Variants in PKHD1 observed in about 807,000 individuals in gnomAD.
The protein encoded by PKHD1 is PKHD1 ciliary IPT domain containing fibrocystin/polyductin, also known as fibrocystin.
PKHD1 carries 291 observed loss-of-function variants against 412.0 expected under a neutral mutation model. The observed-to-expected ratio is 0.71, with a 90% CI of 0.64 to 0.78. PKHD1 has a LOEUF of 0.78. Ranked by LOEUF, PKHD1 falls within the 30% of genes least tolerant of loss-of-function variation. The pLI is 0.00. For synonymous variants in PKHD1, 1,777 were observed against 1,821.5 expected (o/e 0.98, Z 0.62); for missense variants, 4,825 against 4,950.7 (o/e 0.97, Z 0.76).
At chr6:51,767,646 T>C (rs1161558712) in intron 55 of PKHD1, among the ~76,000 whole-genome samples, 1 of 152,162 alleles carries the variant, frequency 6.6e-6, no homozygotes, top group Non-Finnish European at 1.5e-5. Context: ...GGACATGAAC[T>C]CATCATTTTT....
chr6:51,931,060 T>A (rs1786495198), intron 37 of PKHD1, among the ~76,000 whole-genome samples: 1 of 152,184 alleles, frequency 6.6e-6, no homozygotes, highest in African/African-American at 2.4e-5. Context: ...TTTTTCTGAT[T>A]TTTTAGAGAT....
intron 65 of PKHD1, among the ~76,000 whole-genome samples, chr6:51,629,529 G>A (rs537632876): frequency 3.9e-5 from 6 of 151,968 alleles, no homozygotes; most frequent in Non-Finnish European, 8.8e-5. Context: ...TTTTGGATAG[G>A]CATGATCAAG....
intron 46 of PKHD1, among the ~76,000 whole-genome samples, chr6:51,881,928 T>TACA (rs1185704537): frequency 6.6e-6 from 1 of 152,198 alleles, no homozygotes; most frequent in Non-Finnish European, 1.5e-5. Context: ...CCTAGTGAAT[T>TACA]ACACCCCAAG....
intron 63 of PKHD1, among the ~76,000 whole-genome samples, chr6:51,640,346 G>A (rs534970305): frequency 3.4e-4 from 52 of 152,282 alleles, no homozygotes; most frequent in African/African-American, 1.1e-3. Flanking sequence ...TTGCTTTTGC[G>A]TTAAATACCA....
rs778627360 is a variant in PKHD1, at chr6:52,046,220, A to G, written c.2408-32T>C. 4.7e-6 allele frequency: 7 copies of G among 1,483,372 alleles called. No homozygotes were observed. The South Asian group carries it at 6.8e-5, about 14-fold the overall frequency. The allele number at this position is 1,483,372 out of a possible 1,614,324, so 91.9% of individuals were successfully genotyped here. A position where few individuals can be genotyped will look rare whatever the true frequency, so the allele number is the denominator to read the frequency against. On this transcript the variant is annotated intron_variant, in intron 23 of 66. Transcript: ENST00000371117. Reference sequence around the variant, plus strand: ...GAGAAGGTTTTGATACAGAAAACACAGACACTAATTAATCCACCTTACAGA... The same window carrying G: ...GAGAAGGTTTTGATACAGAAAACACGGACACTAATTAATCCACCTTACAGA...
At chr6:51,944,221 C>A (rs1318910400) in intron 36 of PKHD1, among the ~76,000 whole-genome samples, 4 of 152,074 alleles carry the variant, frequency 2.6e-5, no homozygotes, top group Admixed American at 6.6e-5. Context: ...AGCTCCCCCA[C>A]TGAGCACTTT....
At position 52,048,521 on chromosome 6, in the gene PKHD1, C is replaced by A. The variant is rs138620202; in HGVS notation, c.2378G>T (p.Arg793Leu). The A allele has an allele frequency of 1.9e-6, 3 of 1,614,062 alleles. No homozygotes were observed. The highest frequency in any genetic ancestry group is 2.2e-5 in the East Asian group (1 of 44,880). Residue 793 changes from arginine (R) to leucine (L), a missense_variant, in exon 23 of 67, where the codon CGC (arginine) becomes CTC (leucine). Physicochemically the swap from Arg to Leu is moderately radical, Grantham distance 102. Coordinates refer to ENST00000371117, the MANE Select transcript of PKHD1 (RefSeq NM_138694.4). ...AATCACTGTATTAGGAAGCTGGATG[C>A]GAAAGTGTCCTCCTAGAGGTGGACT... ...RTSPPLGGHFRIQLPNTVISD... is the reference protein window; with the variant it reads ...RTSPPLGGHFLIQLPNTVISD...
At chr6:51,830,764 C>T in intron 52 of PKHD1, 97 bp downstream of exon 52, 1 of 1,246,322 alleles carries the variant, frequency 8.0e-7, no homozygotes, top group Non-Finnish European at 1.2e-6. Flanking sequence ...TACTTATTTC[C>T]AAACTCTTTA....
intron 63 of PKHD1, among the ~76,000 whole-genome samples, chr6:51,641,083 G>C (rs1160384121): frequency 6.6e-6 from 1 of 152,184 alleles, no homozygotes; most frequent in Admixed American, 6.6e-5. Context: ...TGAAAAAGTA[G>C]TATTTCATGA....
At chr6:51,684,281 A>C (rs1777126137) in intron 60 of PKHD1, among the ~76,000 whole-genome samples, 1 of 152,106 alleles carries the variant, frequency 6.6e-6, no homozygotes, top group Admixed American at 6.6e-5. Flanking sequence ...CAGGAGAGTC[A>C]CCCAACCTTC....
Position 51,934,191 on chromosome 6 carries a change from A to C in PKHD1, c.6040T>G (p.Tyr2014Asp). The change falls in exon 37 of 67, where the codon TAC becomes GAC. Residue 2014 changes from tyrosine to aspartate, a missense_variant. Transcript: ENST00000371117. ...PFQGRAQITL[Y>D]GSSYSTPFFP... is the part of the protein sequence containing the mutation. ...AAGGGAGTTGAGTAGGAACTCCCGT[A>C]GAGTGTGATCTGAGCTCTGCCTTGG... is the stretch of plus-strand genomic sequence containing the variant. 1.1e-5 allele frequency: 18 copies of C among 1,613,884 alleles called. No homozygotes were observed. The highest frequency in any genetic ancestry group is 1.5e-5 in the Non-Finnish European group (18 of 1,179,730).
Position 52,083,201 on chromosome 6 carries a change from GT to G in PKHD1, c.106del (p.Thr36ArgfsTer28). 6.2e-7 allele frequency: 1 copy of G among 1,609,846 alleles called. No homozygotes were observed. The highest frequency in any genetic ancestry group is 1.1e-5 in the South Asian group (1 of 90,978). ...ACCATCAAAAATGACTGTGATCCAC[GT>G]TCCCCCTGCAAGGCTACCTTCTTCA... is the stretch of plus-strand genomic sequence containing the variant. ...EPEEGSLAGGTWITVIFDGLE... is the reference protein window; with the variant it reads ...EPEEGSLAGGXWITVIFDGLE... On this transcript the variant is annotated frameshift_variant, in exon 3 of 67. Transcript: ENST00000371117. LOFTEE classifies it high-confidence loss of function.
In PKHD1 at chr6:51,784,009, T is replaced by C. The variant is rs552080185; in HGVS notation, c.8440+7227A>G. ...GACAAACCTAAACATGCCCATTCACTTATATATACATTGTCAGTCATAACA... is the reference window on the plus strand; with the variant it reads ...GACAAACCTAAACATGCCCATTCACCTATATATACATTGTCAGTCATAACA... On this transcript the variant is annotated intron_variant, in intron 53 of 66. Transcript: ENST00000371117. Among the ~76,000 whole-genome samples the C allele has an allele frequency of 1.6e-4, 24 of 152,336 alleles. No individual in the cohort carries two copies. In the East Asian group the frequency reaches 4.0e-3, roughly 26 times the overall value.
chr6:51,677,758 C>G (rs545144652), intron 60 of PKHD1, among the ~76,000 whole-genome samples: 1 of 152,000 alleles, frequency 6.6e-6, no homozygotes, highest in Non-Finnish European at 1.5e-5. Flanking sequence ...TAAAAAAGAT[C>G]AAGAGATGAA....
At chr6:51,685,320 G>A (rs72892146) in intron 60 of PKHD1, among the ~76,000 whole-genome samples, 18,890 of 151,956 alleles carry the variant, frequency 0.12, 1,729 homozygotes, top group East Asian at 0.32. Flanking sequence ...AAATTAACCA[G>A]ATTTTCCTCT....
At chr6:51,771,929 CCTTTA>C (rs1451405998) in intron 55 of PKHD1, among the ~76,000 whole-genome samples, 1 of 152,004 alleles carries the variant, frequency 6.6e-6, no homozygotes, top group African/African-American at 2.4e-5. Context: ...ATGTTCCTTT[CCTTTA>C]CTTTTTGTTC....
At position 51,659,074 on chromosome 6, in the gene PKHD1, G is replaced by A; in HGVS notation, c.11052C>T (p.Asn3684=). The A allele has an allele frequency of 6.2e-7, 1 of 1,613,684 alleles. No homozygotes were observed. Among genetic ancestry groups the A allele is most frequent in the Non-Finnish European group, 8.5e-7 (1 of 1,179,740 alleles). Residue 3684 remains asparagine (N), a synonymous_variant, in exon 61 of 67, where the codon AAC becomes AAT. Transcript: ENST00000371117. Reference sequence around the variant, plus strand: ...CTCGATGAGCCAAATTCTGTAATTTGTTACTTGATAAGGATGAAATCATTC... The same window carrying A: ...CTCGATGAGCCAAATTCTGTAATTTATTACTTGATAAGGATGAAATCATTC... The part of the protein sequence containing the change: ...STGMISSLSS[N]KLQNLAHRVI...
At chr6:51,709,786 T>C (rs2150752148) in intron 60 of PKHD1, among the ~76,000 whole-genome samples, 1 of 152,154 alleles carries the variant, frequency 6.6e-6, no homozygotes, top group African/African-American at 2.4e-5. Context: ...TCAATATAAT[T>C]ACATTTAATG....
Position 51,653,937 on chromosome 6 carries a change from C to T in PKHD1, c.11175-4717G>A, listed in dbSNP as rs150740809. Among the ~76,000 whole-genome samples, 1,416 of 152,142 alleles carry T rather than the reference C, an allele frequency of 9.3e-3. 25 individuals carry two copies. Among genetic ancestry groups the T allele is most frequent in the African/African-American group, 0.031 (1,288 of 41,528 alleles). Reference sequence around the variant, plus strand: ...AAACTCTGCATTTTTAAAGACCATACGCAAAATAATCAAATTTTCCTGTTT... The same window carrying T: ...AAACTCTGCATTTTTAAAGACCATATGCAAAATAATCAAATTTTCCTGTTT... On this transcript the variant is annotated intron_variant, in intron 61 of 66. Transcript: ENST00000371117.
Sources: gnomAD v4.1 joint callset for allele counts (sites outside exome capture counted in the v4.1 genomes callset) on GRCh38, gnomAD v4.1.1 for gene constraint, MANE v1.5 for transcripts, NCBI Gene and HGNC (gene_info 2026-07-23, HGNC 2026-07-21) for gene names.